The following REDIC1 variants were observed in gnomAD, a reference collection of about 807,000 sequenced individuals.
REDIC1 encodes regulator of DNA class I crossover intermediates 1.
At chr12:39,652,902 A>G in the REDIC1 span, among the ~76,000 whole-genome samples, 1 of 152,098 alleles carries the variant, frequency 6.6e-6, no homozygotes, top group African/African-American at 2.4e-5. Flanking sequence ...TGATTATGTT[A>G]GTACCAAACT....
chr12:39,896,584 A>G, the REDIC1 span, among the ~76,000 whole-genome samples: 570 of 150,922 alleles, frequency 3.8e-3, 1 homozygote, highest in African/African-American at 0.013. Flanking sequence ...ATGTGTGTAT[A>G]TATGTATACA....
chr12:39,689,835 T>G, the REDIC1 span, among the ~76,000 whole-genome samples: 5 of 152,172 alleles, frequency 3.3e-5, no homozygotes, highest in Admixed American at 3.3e-4. Context: ...AAAGATGAAT[T>G]ATCAACAGAA....
the REDIC1 span, among the ~76,000 whole-genome samples, chr12:39,748,955 C>T: frequency 6.6e-6 from 1 of 151,956 alleles, no homozygotes; most frequent in Admixed American, 6.6e-5. Flanking sequence ...TAAATACCCA[C>T]AAGAGAAAGC....
At chr12:39,678,629 C>CAAAAA in the REDIC1 span, among the ~76,000 whole-genome samples, 54 of 96,168 alleles carry the variant, frequency 5.6e-4, no homozygotes, top group East Asian at 2.2e-3. Context: ...AAAGGCATAA[C>CAAAAA]AAAAAAAAAA....
chr12:39,734,132 T>C, the REDIC1 span, among the ~76,000 whole-genome samples: 1 of 152,288 alleles, frequency 6.6e-6, no homozygotes, highest in East Asian at 1.9e-4. Flanking sequence ...CACTGCACAG[T>C]CCCTCACAGC....
the REDIC1 span, among the ~76,000 whole-genome samples, chr12:39,689,713 C>T: frequency 2.7e-4 from 41 of 152,000 alleles, no homozygotes; most frequent in African/African-American, 9.2e-4. Context: ...GTACTAGTGT[C>T]GTAGGAAAGA....
chr12:39,661,750 CT>C, the REDIC1 span, among the ~76,000 whole-genome samples: 1 of 151,878 alleles, frequency 6.6e-6, no homozygotes, highest in Admixed American at 6.6e-5. Context: ...TGGAGTGTTT[CT>C]TCTGTATTTT....
the REDIC1 span, chr12:39,871,777 AT>A: frequency 6.3e-7 from 1 of 1,580,706 alleles, no homozygotes; most frequent in Non-Finnish European, 8.6e-7. Flanking sequence ...TTATAATTGA[AT>A]TCTTTATCCA....
chr12:39,756,414 A>C, the REDIC1 span: 4 of 102,058 alleles, frequency 3.9e-5, no homozygotes, highest in South Asian at 1.3e-3. Context: ...GACATTTTAT[A>C]ACTTGCAATA....
the REDIC1 span, chr12:39,682,657 G>A: frequency 3.7e-6 from 6 of 1,608,760 alleles, no homozygotes; most frequent in African/African-American, 5.3e-5. Flanking sequence ...TGTAATTATG[G>A]ATGAAGATTG....
chr12:39,865,395 T>A, the REDIC1 span, among the ~76,000 whole-genome samples: 1 of 152,232 alleles, frequency 6.6e-6, no homozygotes, highest in Non-Finnish European at 1.5e-5. Context: ...CATGTTTTAT[T>A]AAAATGGAGT....
chr12:39,646,514 A>C, the REDIC1 span: 3 of 1,476,754 alleles, frequency 2.0e-6, no homozygotes, highest in South Asian at 2.7e-5. Context: ...GTTATTAACA[A>C]CACTTTTACT....
At chr12:39,683,239 T>G in the REDIC1 span, 1 of 1,253,636 alleles carries the variant, frequency 8.0e-7, no homozygotes, top group Non-Finnish European at 1.1e-6. Flanking sequence ...TATATATTTG[T>G]ATGTGTGTTT....
the REDIC1 span, among the ~76,000 whole-genome samples, chr12:39,679,761 C>G: frequency 6.6e-6 from 1 of 152,118 alleles, no homozygotes; most frequent in African/African-American, 2.4e-5. Flanking sequence ...GCTATGGTTA[C>G]CAAAACAGCA....
At chr12:39,666,195 T>G in the REDIC1 span, among the ~76,000 whole-genome samples, 5 of 152,198 alleles carry the variant, frequency 3.3e-5, no homozygotes, top group African/African-American at 1.2e-4. Flanking sequence ...TGATATTGGC[T>G]GTGGGTTTGT....
At chr12:39,881,314 A>T in the REDIC1 span, among the ~76,000 whole-genome samples, 1 of 151,994 alleles carries the variant, frequency 6.6e-6, no homozygotes, top group Admixed American at 6.5e-5. Context: ...TGACAATATG[A>T]GTGTGGTTTA....
At chr12:39,840,248 A>G in the REDIC1 span, among the ~76,000 whole-genome samples, 1 of 151,586 alleles carries the variant, frequency 6.6e-6, no homozygotes, top group Non-Finnish European at 1.5e-5. Context: ...GCCAGCCACC[A>G]CGCCCAGCCT....
the REDIC1 span, among the ~76,000 whole-genome samples, chr12:39,667,666 T>A: frequency 2.0e-5 from 3 of 152,126 alleles, no homozygotes; most frequent in Non-Finnish European, 4.4e-5. Context: ...GACAGTGGGG[T>A]GTTAAAGTCT....
the REDIC1 span, among the ~76,000 whole-genome samples, chr12:39,842,564 AAGTTC>A: frequency 6.6e-6 from 1 of 152,070 alleles, no homozygotes; most frequent in Non-Finnish European, 1.5e-5. Context: ...TGGAGGCAGA[AAGTTC>A]TACGTGGAAA....
Sources: gnomAD v4.1 joint callset for allele counts (sites outside exome capture counted in the v4.1 genomes callset) on GRCh38, gnomAD v4.1.1 for gene constraint, MANE v1.5 for transcripts, NCBI Gene and HGNC (gene_info 2026-07-23, HGNC 2026-07-21) for gene names.